The following UNC79 variants were observed in gnomAD, a reference collection of about 807,000 sequenced individuals.
The protein encoded by UNC79 is unc-79 subunit of NALCN channel complex.
Under a neutral mutation model 283.1 loss-of-function variants are expected in UNC79, and 37 were observed. That is an observed-to-expected ratio of 0.13 (90% CI 0.10 to 0.17). The LOEUF (loss-of-function observed/expected upper bound fraction) is 0.17, where lower values mean the gene tolerates loss of function less well. UNC79 is among the 10% of genes least tolerant of loss of function. The pLI, the probability that UNC79 is intolerant of heterozygous loss-of-function variation, is 1.00. For synonymous variants in UNC79, 1,107 were observed against 1,200.2 expected (o/e 0.92, Z 1.61); for missense variants, 2,272 against 3,211.1 (o/e 0.71, Z 7.07).
At chr14:93,567,071 G>C (rs747482698) in intron 14 of UNC79, among the ~76,000 whole-genome samples, 2 of 152,164 alleles carry the variant, frequency 1.3e-5, no homozygotes, top group African/African-American at 2.4e-5. Context: ...ATCGTGATCT[G>C]TAACAAGTGG....
At chr14:93,651,627 T>C (rs2070268017) in intron 35 of UNC79, among the ~76,000 whole-genome samples, 1 of 152,218 alleles carries the variant, frequency 6.6e-6, no homozygotes, top group African/African-American at 2.4e-5. Flanking sequence ...TAAATTCACT[T>C]ATTAGTTCTA....
At chr14:93,583,509 A>G (rs2063973937) in intron 20 of UNC79, among the ~76,000 whole-genome samples, 1 of 152,198 alleles carries the variant, frequency 6.6e-6, no homozygotes, top group Non-Finnish European at 1.5e-5. Context: ...ATCTTCGGTC[A>G]GAACTAACTG....
chr14:93,551,546 G>T (rs942413289), intron 14 of UNC79, among the ~76,000 whole-genome samples: 1 of 152,196 alleles, frequency 6.6e-6, no homozygotes, highest in Non-Finnish European at 1.5e-5. Flanking sequence ...ATTCCTTCCC[G>T]AGATGGGAGA....
intron 3 of UNC79, among the ~76,000 whole-genome samples, chr14:93,476,873 T>C (rs1229483070): frequency 6.6e-6 from 1 of 152,230 alleles, no homozygotes; most frequent in African/African-American, 2.4e-5. Flanking sequence ...TAACAGCTAA[T>C]ATTTGTGGAG....
intron 11 of UNC79, among the ~76,000 whole-genome samples, chr14:93,537,213 C>T (rs1380965315): frequency 6.6e-6 from 1 of 152,220 alleles, no homozygotes; most frequent in African/African-American, 2.4e-5. Context: ...GTGGGTGCTG[C>T]CTCACTCCTC....
exon 25 of UNC79, chr14:93,600,598 T>G: frequency 1.2e-6 from 2 of 1,613,598 alleles, no homozygotes; most frequent in Non-Finnish European, 1.7e-6. Context: ...ACTTCCAGTT[T>G]GATACTGTGG....
intron 2 of UNC79, 136 bp downstream of exon 2, chr14:93,467,927 T>C: frequency 4.4e-6 from 5 of 1,143,268 alleles, no homozygotes; most frequent in Non-Finnish European, 5.7e-6. Context: ...GAGTCTGTGC[T>C]CAAGTTCTCT....
chr14:93,628,538 T>G (rs2067749927), intron 30 of UNC79, among the ~76,000 whole-genome samples: 1 of 152,194 alleles, frequency 6.6e-6, no homozygotes, highest in African/African-American at 2.4e-5. Flanking sequence ...CTTTTATGCG[T>G]ATGAATTATT....
chr14:93,563,930 A>T (rs1455679626), intron 14 of UNC79, among the ~76,000 whole-genome samples: 2 of 152,126 alleles, frequency 1.3e-5, no homozygotes, highest in Non-Finnish European at 2.9e-5. Flanking sequence ...TAGATTTTGG[A>T]AGTTATGAGA....
intron 1 of UNC79, among the ~76,000 whole-genome samples, chr14:93,371,091 C>CA (rs1308481451): frequency 6.6e-6 from 1 of 150,384 alleles, no homozygotes; most frequent in Non-Finnish European, 1.5e-5. Flanking sequence ...ACAACAACAA[C>CA]AAAACAGGGG....
intron 14 of UNC79, among the ~76,000 whole-genome samples, chr14:93,565,860 A>G (rs536245206): frequency 2.6e-4 from 40 of 152,342 alleles, no homozygotes; most frequent in Admixed American, 1.6e-3. Context: ...TCCATCCTGC[A>G]TGGGTGACTA....
At chr14:93,486,576 C>T (rs1158346908) in intron 4 of UNC79, among the ~76,000 whole-genome samples, 24 of 150,950 alleles carry the variant, frequency 1.6e-4, no homozygotes, top group Admixed American at 1.5e-3. Context: ...ATCGCTTGAA[C>T]CCAGGGGTTG....
At chr14:93,447,649 G>T (rs1467466127) in intron 1 of UNC79, among the ~76,000 whole-genome samples, 2 of 151,216 alleles carry the variant, frequency 1.3e-5, no homozygotes, top group Non-Finnish European at 2.9e-5. Context: ...ACTTTCCTTC[G>T]CATATTTTGT....
rs569853770 is a variant in UNC79 at position 93,634,422 on chromosome 14, G to A, written c.5717-2794G>A. The A allele has an allele frequency of 1.3e-4, 110 of 872,444 alleles. 1 individual carries two copies. In the South Asian group the frequency reaches 1.8e-3, roughly 14 times the overall value. 54.0% of individuals were successfully genotyped at this position (872,444 alleles called of 1,614,324 possible). On this transcript the variant is annotated intron_variant, in intron 31 of 48. Transcript: ENST00000555664. ...TACAATTTACCAAAAATTATGAATA[G>A]CAAATGAAGGGTCAATTAAAATTCT...
intron 1 of UNC79, among the ~76,000 whole-genome samples, chr14:93,403,392 G>A (rs1226490812): frequency 6.6e-6 from 1 of 152,186 alleles, no homozygotes; most frequent in Admixed American, 6.5e-5. Context: ...GGAAAATTGC[G>A]AGGGAAGTAG....
At chr14:93,370,528 G>C (rs570228439) in intron 1 of UNC79, among the ~76,000 whole-genome samples, 1 of 152,158 alleles carries the variant, frequency 6.6e-6, no homozygotes, top group African/African-American at 2.4e-5. Context: ...ATCCCATCAC[G>C]TTGGGAGGCC....
intron 7 of UNC79, among the ~76,000 whole-genome samples, chr14:93,517,181 TCCCCTCTCTCCA>T (rs1162353806): frequency 1.3e-5 from 2 of 151,006 alleles, no homozygotes; most frequent in East Asian, 3.9e-4. Context: ...CCTTCCTTCC[TCCCCTCTCTCCA>T]CCCCTCTCTC....
intron 1 of UNC79, chr14:93,466,803 C>G: frequency 1.0e-6 from 1 of 970,314 alleles, no homozygotes; most frequent in Non-Finnish European, 1.2e-6. Context: ...CATCATGGCT[C>G]CTTGGGATTT....
intron 1 of UNC79, among the ~76,000 whole-genome samples, chr14:93,461,860 A>G (rs2056972402): frequency 6.6e-6 from 1 of 152,122 alleles, no homozygotes; most frequent in Non-Finnish European, 1.5e-5. Context: ...TGAGGAAGGG[A>G]CACTTAAAGT....
Sources: allele counts gnomAD v4.1 joint callset (sites outside exome capture counted in the v4.1 genomes callset), GRCh38; gene constraint gnomAD v4.1.1; transcripts MANE v1.5; gene names NCBI Gene and HGNC (gene_info 2026-07-23, HGNC 2026-07-21).